TUBB6: variants seen among roughly 807,000 people sequenced by gnomAD.
The protein encoded by TUBB6 is tubulin beta-6 chain.
A neutral mutation model predicts 32.3 loss-of-function variants in TUBB6; 18 were observed. The ratio of observed to expected loss-of-function variants is 0.56; its 90% CI spans 0.39 to 0.83. The LOEUF (loss-of-function observed/expected upper bound fraction) is 0.83, where lower values mean the gene tolerates loss of function less well. Among genes scored for constraint, TUBB6 ranks in the 40% least tolerant of loss-of-function variants. TUBB6 has a pLI of 0.00. For missense variants in TUBB6, 480 were observed against 632.0 expected (o/e 0.76, Z 2.58); for synonymous variants, 280 against 265.8 (o/e 1.05, Z -0.52).
At chr18:12,324,314 G>A (rs1907146410) in intron 3 of TUBB6, among the ~76,000 whole-genome samples, 1 of 152,112 alleles carries the variant, frequency 6.6e-6, no homozygotes, top group African/African-American at 2.4e-5. Flanking sequence ...AGCTTGCAAT[G>A]AGCCGAGATT....
At chr18:12,324,858 T>TAATA (rs1490433015) in intron 3 of TUBB6, 1 of 1,393,012 alleles carries the variant, frequency 7.2e-7, no homozygotes, top group African/African-American at 1.4e-5. Flanking sequence ...TATACATCTT[T>TAATA]AAAATTGACC....
At chr18:12,310,202 G>A (rs560292588) in intron 2 of TUBB6, among the ~76,000 whole-genome samples, 1 of 151,922 alleles carries the variant, frequency 6.6e-6, no homozygotes, top group Non-Finnish European at 1.5e-5. Context: ...TAAGAGACAG[G>A]GTTTCGGCCA....
intron 3 of TUBB6, among the ~76,000 whole-genome samples, chr18:12,322,877 T>C (rs973959539): frequency 5.3e-5 from 8 of 152,244 alleles, no homozygotes; most frequent in African/African-American, 1.7e-4. Context: ...CTTCAACTGA[T>C]TGGAATTATT....
At chr18:12,317,224 G>C (rs1167382739) in intron 3 of TUBB6, among the ~76,000 whole-genome samples, 2 of 152,212 alleles carry the variant, frequency 1.3e-5, no homozygotes, top group African/African-American at 4.8e-5. Context: ...CACTTTGGGA[G>C]GCTGAGGCAA....
chr18:12,325,471 C>A lies in TUBB6; in HGVS notation c.682C>A (p.Leu228Met). ...GCCCACCTACGGGGACCTCAACCAC[C>A]TGGTGTCCGCCACCATGAGTGGGGT... Reference protein sequence around the residue: ...TTPTYGDLNHLVSATMSGVTT... With the variant: ...TTPTYGDLNHMVSATMSGVTT... The change falls in exon 4 of 4, where the codon CTG becomes ATG. Residue 228 changes from leucine to methionine, a missense_variant. By Grantham distance (15) the Leu-to-Met change is conservative (BLOSUM62 2). Coordinates refer to ENST00000317702, the MANE Select transcript of TUBB6 (RefSeq NM_032525.3). 1 of 1,614,254 alleles carries A rather than the reference C, an allele frequency of 6.2e-7. No homozygotes were observed. The highest frequency in any genetic ancestry group is 8.5e-7 in the Non-Finnish European group (1 of 1,180,052).
At chr18:12,322,449 C>G (rs77480421) in intron 3 of TUBB6, among the ~76,000 whole-genome samples, 1 of 151,606 alleles carries the variant, frequency 6.6e-6, no homozygotes, top group South Asian at 2.1e-4. Flanking sequence ...CCATCTTCTA[C>G]GCTTAAGTGA....
Position 12,325,169 on chromosome 18 carries a change from G to A in TUBB6, c.380G>A (p.Cys127Tyr). 1 of 1,613,868 alleles carries A rather than the reference G, an allele frequency of 6.2e-7. No individual in the cohort carries two copies. The highest frequency in any genetic ancestry group is 8.5e-7 in the Non-Finnish European group (1 of 1,179,894). Reference sequence around the variant, plus strand: ...GTGGTGCGGAAGGAGTGCGAGCACTGCGACTGCCTGCAGGGCTTCCAGCTC... The same window carrying A: ...GTGGTGCGGAAGGAGTGCGAGCACTACGACTGCCTGCAGGGCTTCCAGCTC... ...LDVVRKECEH[C>Y]DCLQGFQLTH... is the part of the protein sequence containing the mutation. The change falls in exon 4 of 4, where the codon TGC becomes TAC. Residue 127 changes from cysteine to tyrosine, a missense_variant. Cys to Tyr is a radical substitution (Grantham distance 194). Coordinates refer to ENST00000317702, the MANE Select transcript of TUBB6 (RefSeq NM_032525.3).
chr18:12,310,305 C>A (rs1355056214), intron 2 of TUBB6, among the ~76,000 whole-genome samples: 2 of 151,826 alleles, frequency 1.3e-5, no homozygotes, highest in South Asian at 2.1e-4. Flanking sequence ...CTGGCTAACA[C>A]GGTGAAACCC....
At chr18:12,329,432 T>TC (rs1306810635), downstream of TUBB6, 4 of 973,990 alleles carry the variant, frequency 4.1e-6, no homozygotes, top group Middle Eastern at 3.1e-4. Context: ...AGGACTCCTT[T>TC]CCCCATCATT....
Position 12,326,142 on chromosome 18 carries a change from C to T in TUBB6, c.*12C>T. On this transcript the variant is annotated 3_prime_UTR_variant, in exon 4 of 4. Coordinates refer to ENST00000317702, the MANE Select transcript of TUBB6 (RefSeq NM_032525.3). ...AGATCGATGGATAGTCGGAATAGAG[C>T]CGCCCCAACTCAGATCCTACAACAC... The T allele has an allele frequency of 6.2e-7, 1 of 1,602,860 alleles. No individual in the cohort carries two copies.
Position 12,311,559 on chromosome 18 carries a change from T to C in TUBB6, c.277+506T>C, listed in dbSNP as rs531961290. Among the ~76,000 whole-genome samples, 16 of 152,236 alleles carry C rather than the reference T, an allele frequency of 1.1e-4. No individual in the cohort carries two copies. In the East Asian group the frequency reaches 3.1e-3, roughly 29 times the overall value. ...TTGCAGTGAGCTGAGATTGCACTAC[T>C]GCACTCCAACCTGGGTGACAGAGCG... On this transcript the variant is annotated intron_variant, in intron 3 of 3. Coordinates refer to ENST00000317702, the MANE Select transcript of TUBB6 (RefSeq NM_032525.3).
rs1166838923 is a variant in TUBB6 at position 12,326,070 on chromosome 18, T to G, written c.1281T>G (p.Asp427Glu). Residue 427 changes from aspartate (D) to glutamate (E), a missense_variant, in exon 4 of 4, where the codon GAT becomes GAG. Transcript: ENST00000317702. ...DLVSEYQQYQ[D>E]ATANDGEEAF... Reference sequence around the variant, plus strand: ...TATCCGAGTACCAGCAGTACCAGGATGCCACCGCCAATGACGGGGAGGAAG... The same window carrying G: ...TATCCGAGTACCAGCAGTACCAGGAGGCCACCGCCAATGACGGGGAGGAAG... 1 of 1,613,986 alleles carries G rather than the reference T, an allele frequency of 6.2e-7. No homozygotes were observed. Among genetic ancestry groups the G allele is most frequent in the Non-Finnish European group, 8.5e-7 (1 of 1,180,022 alleles).
Position 12,325,939 on chromosome 18 carries a change from C to G in TUBB6, c.1150C>G (p.Gln384Glu). 2 of 1,614,062 alleles carry G rather than the reference C, an allele frequency of 1.2e-6. No homozygotes were observed. Among genetic ancestry groups the G allele is most frequent in the Non-Finnish European group, 1.7e-6 (2 of 1,180,040 alleles). Residue 384 changes from glutamine (Q) to glutamate (E), a missense_variant, in exon 4 of 4, where the codon CAG becomes GAG. Gln to Glu is a conservative substitution (Grantham distance 29). Transcript: ENST00000317702. ...GGAGCTGTTCAAGCGCATCTCCGAG[C>G]AGTTCTCAGCCATGTTCCGGCGCAA... ...IQELFKRISE[Q>E]FSAMFRRKAF...
At chr18:12,327,654 G>A (rs1377711393), downstream of TUBB6, among the ~76,000 whole-genome samples, 3 of 152,194 alleles carry the variant, frequency 2.0e-5, no homozygotes, top group African/African-American at 4.8e-5. Flanking sequence ...CCCACAAGAT[G>A]GTGGCACAGG....
Position 12,325,644 on chromosome 18 carries a change from C to T in TUBB6, c.855C>T (p.Thr285=), listed in dbSNP as rs200435931. The change falls in exon 4 of 4, where the codon ACC becomes ACT. Residue 285 remains threonine (T), a synonymous_variant. Coordinates refer to ENST00000317702, the MANE Select transcript of TUBB6 (RefSeq NM_032525.3). ...SRGSQQYRAL[T]VPELTQQMFD... ...GCAGCCAGCAGTACCGGGCCCTGAC[C>T]GTGCCCGAGCTCACCCAGCAGATGT... is the stretch of plus-strand genomic sequence containing the variant. 1.2e-5 allele frequency: 20 copies of T among 1,613,956 alleles called. No individual in the cohort carries two copies. In the African/African-American group the frequency reaches 2.1e-4, roughly 17 times the overall value.
chr18:12,328,915 A>T (rs1252595798), downstream of TUBB6: 7 of 443,306 alleles, frequency 1.6e-5, 1 homozygote, highest in Admixed American at 2.6e-4. Context: ...TTTTCTAAAA[A>T]TATCCAGAGC....
chr18:12,315,725 C>G (rs930149808), intron 3 of TUBB6, among the ~76,000 whole-genome samples: 1 of 152,184 alleles, frequency 6.6e-6, no homozygotes, highest in African/African-American at 2.4e-5. Context: ...CACTGTTTCC[C>G]AGGGGAAGGG....
upstream of TUBB6, chr18:12,308,239 G>A: frequency 7.6e-7 from 1 of 1,312,236 alleles, no homozygotes; most frequent in Non-Finnish European, 9.8e-7. Context: ...CAGCCGGCCC[G>A]CAGTTGCCGC....
At chr18:12,309,502 T>C (rs1437536315) in intron 2 of TUBB6, among the ~76,000 whole-genome samples, 1 of 148,550 alleles carries the variant, frequency 6.7e-6, no homozygotes, top group African/African-American at 2.5e-5. Flanking sequence ...CTTGCAGACC[T>C]CTAAAAAGAC....
Sources: allele counts gnomAD v4.1 joint callset (sites outside exome capture counted in the v4.1 genomes callset), GRCh38; gene constraint gnomAD v4.1.1; transcripts MANE v1.5; gene names NCBI Gene and HGNC (gene_info 2026-07-23, HGNC 2026-07-21).